The following NRG3 variants were observed in gnomAD, a reference collection of about 807,000 sequenced individuals.
NRG3 encodes the protein neuregulin 3.
A neutral mutation model predicts 66.9 loss-of-function variants in NRG3; 31 were observed. The ratio of observed to expected loss-of-function variants is 0.46; its 90% confidence interval spans 0.35 to 0.63. The LOEUF (loss-of-function observed/expected upper bound fraction) is 0.63, where lower values mean the gene tolerates loss of function less well. NRG3 is among the 20% of genes least tolerant of loss of function. NRG3 has a pLI of 0.00. For synonymous variants in NRG3, 393 were observed against 359.4 expected, an observed-to-expected ratio of 1.09 and a Z score of -1.06; for missense variants, 910 against 878.9, an observed-to-expected ratio of 1.04 and a Z score of -0.45.
intron 5 of NRG3, among the ~76,000 whole-genome samples, 160 bp downstream of exon 5, chr10:82,951,731 T>A (rs181990556): frequency 1.3e-5 from 2 of 152,186 alleles, no homozygotes; most frequent in Non-Finnish European, 2.9e-5. Flanking sequence ...TTGTGGTGAG[T>A]GTGTACAGGC....
intron 1 of NRG3, among the ~76,000 whole-genome samples, chr10:82,207,146 G>A (rs1249562955): frequency 6.6e-6 from 1 of 152,170 alleles, no homozygotes; most frequent in African/African-American, 2.4e-5. Context: ...TAATCTAGAG[G>A]TCTTTGGTTC....
At chr10:82,967,929 C>T (rs891137594) in intron 6 of NRG3, among the ~76,000 whole-genome samples, 2 of 152,182 alleles carry the variant, frequency 1.3e-5, no homozygotes, top group Non-Finnish European at 1.5e-5. Flanking sequence ...ATTCCAGCAA[C>T]TTGTCCAAAT....
chr10:82,688,331 T>G (rs1163010644), intron 2 of NRG3, among the ~76,000 whole-genome samples: 4 of 152,218 alleles, frequency 2.6e-5, no homozygotes, highest in Non-Finnish European at 5.9e-5. Context: ...GATTCTCATA[T>G]GCCTGATAGA....
chr10:82,000,323 G>A (rs972385254), intron 1 of NRG3, among the ~76,000 whole-genome samples: 7 of 151,906 alleles, frequency 4.6e-5, no homozygotes, highest in African/African-American at 1.7e-4. Context: ...GGTATTTAGG[G>A]AAACTAAGTA....
At chr10:82,175,629 C>T (rs780531540) in intron 1 of NRG3, among the ~76,000 whole-genome samples, 4 of 152,162 alleles carry the variant, frequency 2.6e-5, no homozygotes, top group African/African-American at 7.2e-5. Flanking sequence ...ATAACATGTT[C>T]TACAAACTTG....
rs527528484 is a variant in NRG3, at chr10:82,646,923, A to G, written c.954-91654A>G. Among the ~76,000 whole-genome samples the G allele has an allele frequency of 2.0e-5, 3 of 152,056 alleles. No individual in the cohort carries two copies. The South Asian group carries it at 6.2e-4, about 32-fold the overall frequency. ...TCTTCCCACAGGGACTGAGAGAGAA[A>G]GAGATAACTTTTTAAACTTTTGCAT... On this transcript the variant is annotated intron_variant, in intron 2 of 8. Coordinates refer to ENST00000372141, the MANE Select transcript of NRG3 (RefSeq NM_001010848.4).
At chr10:82,227,288 C>T (rs1406395774) in intron 1 of NRG3, among the ~76,000 whole-genome samples, 1 of 152,138 alleles carries the variant, frequency 6.6e-6, no homozygotes, top group East Asian at 1.9e-4. Context: ...ATTCATTCTA[C>T]TGTGGCTGTT....
chr10:82,653,783 G>A (rs895675514), intron 2 of NRG3, among the ~76,000 whole-genome samples: 1 of 152,078 alleles, frequency 6.6e-6, no homozygotes, highest in Non-Finnish European at 1.5e-5. Context: ...ATAAAGTGGC[G>A]ATGAGCTGTG....
At chr10:82,053,198 G>C (rs2063681864) in intron 1 of NRG3, among the ~76,000 whole-genome samples, 1 of 151,686 alleles carries the variant, frequency 6.6e-6, no homozygotes, top group African/African-American at 2.4e-5. Context: ...TATTTTTTAG[G>C]AAAATACTGG....
At chr10:82,499,962 AGCCTTCATT>A (rs1477229278) in intron 2 of NRG3, among the ~76,000 whole-genome samples, 26 of 152,340 alleles carry the variant, frequency 1.7e-4, no homozygotes, top group African/African-American at 6.3e-4. Flanking sequence ...GATTTCAAGT[AGCCTTCATT>A]GTGAGTATAA....
chr10:82,906,018 C>T (rs140824473), intron 4 of NRG3, among the ~76,000 whole-genome samples: 1 of 152,138 alleles, frequency 6.6e-6, no homozygotes, highest in African/African-American at 2.4e-5. Flanking sequence ...AAAATCTTAT[C>T]AAAAATATCA....
chr10:82,334,152 A>G (rs947413452), intron 1 of NRG3, among the ~76,000 whole-genome samples: 21 of 103,122 alleles, frequency 2.0e-4, no homozygotes, highest in East Asian at 7.8e-4. Context: ...AAAAAAAAAA[A>G]AAAGAAAAGA....
chr10:81,932,100 A>G (rs577634807), intron 1 of NRG3, among the ~76,000 whole-genome samples: 1 of 152,188 alleles, frequency 6.6e-6, no homozygotes, highest in East Asian at 1.9e-4. Flanking sequence ...CAGGAAGCTA[A>G]CAGTCATGGT....
At chr10:82,310,748 G>A (rs2080978663) in intron 1 of NRG3, among the ~76,000 whole-genome samples, 1 of 151,998 alleles carries the variant, frequency 6.6e-6, no homozygotes, top group Non-Finnish European at 1.5e-5. Context: ...AGAGATAGTT[G>A]TTCATTCTTT....
chr10:82,979,154 G>A, intron 8 of NRG3, 34 bp downstream of exon 8: 1 of 1,605,176 alleles, frequency 6.2e-7, no homozygotes, highest in Non-Finnish European at 8.5e-7. Flanking sequence ...ATTTAGGGAG[G>A]GTGTCTTTAA....
chr10:82,014,851 G>A (rs12146364), intron 1 of NRG3, among the ~76,000 whole-genome samples: 1,703 of 152,174 alleles, frequency 0.011, 17 homozygotes, highest in Non-Finnish European at 0.016. Context: ...GAGGAAGGGA[G>A]GAATGGAGAG....
intron 1 of NRG3, among the ~76,000 whole-genome samples, chr10:81,969,912 A>G (rs914515387): frequency 7.2e-5 from 11 of 152,196 alleles, no homozygotes; most frequent in African/African-American, 2.7e-4. Flanking sequence ...AACATTTGTC[A>G]CAAGATATTG....
chr10:82,572,482 A>C (rs1590719777), intron 2 of NRG3, among the ~76,000 whole-genome samples: 1 of 151,728 alleles, frequency 6.6e-6, no homozygotes, highest in East Asian at 1.9e-4. Flanking sequence ...GGCCCTTTGC[A>C]GTAATAGTTC....
chr10:82,936,587 T>C (rs1448295434), intron 4 of NRG3, among the ~76,000 whole-genome samples: 1 of 152,138 alleles, frequency 6.6e-6, no homozygotes, highest in African/African-American at 2.4e-5. Flanking sequence ...TGTTGAAAAA[T>C]GCCCATAGAG....
Sources: gnomAD v4.1 joint callset for allele counts (sites outside exome capture counted in the v4.1 genomes callset) on GRCh38, gnomAD v4.1.1 for gene constraint, MANE v1.5 for transcripts, NCBI Gene and HGNC (gene_info 2026-07-23, HGNC 2026-07-21) for gene names.